Variants in TENM3 observed in about 807,000 individuals in gnomAD.
TENM3 encodes teneurin transmembrane protein 3.
In TENM3, 63 loss-of-function variants were observed where a neutral mutation model predicts 255.1. The observed-to-expected ratio is 0.25, with a 90% confidence interval of 0.20 to 0.30. The LOEUF is 0.30. TENM3 is among the 10% of genes least tolerant of loss of function. TENM3 has a pLI of 1.00. For synonymous variants in TENM3, 1,306 were observed against 1,322.3 expected (o/e 0.99, Z 0.27); for missense variants, 2,929 against 3,461.1 (o/e 0.85, Z 3.86).
the TENM3 span, among the ~76,000 whole-genome samples, chr4:181,987,950 G>T: frequency 2.0e-5 from 3 of 151,990 alleles, no homozygotes; most frequent in African/African-American, 7.2e-5. Context: ...GAGGAAAGAT[G>T]AAGGGGCAAG....
chr4:182,795,579 GTGA>G (rs1268897212), intron 26 of TENM3, among the ~76,000 whole-genome samples: 1 of 152,212 alleles, frequency 6.6e-6, no homozygotes, highest in African/African-American at 2.4e-5. Flanking sequence ...TGGCAATGAG[GTGA>G]GAGTCTGTGC....
At chr4:181,801,166 T>C in the TENM3 span, among the ~76,000 whole-genome samples, 3 of 152,222 alleles carry the variant, frequency 2.0e-5, no homozygotes, top group Admixed American at 2.0e-4. Context: ...TCTGGTCATG[T>C]GTATGTGTGT....
chr4:182,777,577 A>G (rs756797248), intron 24 of TENM3, among the ~76,000 whole-genome samples: 7 of 24,656 alleles, frequency 2.8e-4, no homozygotes, highest in Non-Finnish European at 3.7e-4. Flanking sequence ...TTTTTTTTTG[A>G]GATGGAGTTT....
At chr4:182,119,885 A>G in the TENM3 span, among the ~76,000 whole-genome samples, 1 of 152,052 alleles carries the variant, frequency 6.6e-6, no homozygotes, top group South Asian at 2.1e-4. Flanking sequence ...AATTTTTTGT[A>G]GAAACATGGT....
rs182736163 is a variant in TENM3 at position 182,473,458 on chromosome 4, A to G, written c.511+126529A>G. ...GGAGGCCAAGGCGGGTGGATCACGA[A>G]GTCAGGAGATCGAGACCATGCTGGC... On this transcript the variant is annotated intron_variant, in intron 3 of 27. Coordinates refer to ENST00000511685, the MANE Select transcript of TENM3 (RefSeq NM_001080477.4). Among the ~76,000 whole-genome samples, 358 of 152,222 alleles carry G rather than the reference A, an allele frequency of 2.4e-3. 3 individuals carry two copies. The highest frequency in any genetic ancestry group is 6.8e-3 in the Middle Eastern group (2 of 292).
At chr4:182,416,195 A>C (rs2151106955) in intron 3 of TENM3, among the ~76,000 whole-genome samples, 1 of 152,300 alleles carries the variant, frequency 6.6e-6, no homozygotes, top group Middle Eastern at 3.4e-3. Context: ...CCGCATATCC[A>C]TAATATGTTT....
At chr4:182,627,955 T>G (rs1750990464) in intron 4 of TENM3, among the ~76,000 whole-genome samples, 1 of 152,160 alleles carries the variant, frequency 6.6e-6, no homozygotes, top group African/African-American at 2.4e-5. Flanking sequence ...CCCCTTCATT[T>G]ATTTAGGTTT....
At chr4:181,781,058 T>C in the TENM3 span, among the ~76,000 whole-genome samples, 1 of 152,210 alleles carries the variant, frequency 6.6e-6, no homozygotes, top group Non-Finnish European at 1.5e-5. Context: ...GGTAGCATGA[T>C]GCCTCCAGCT....
At chr4:181,633,251 C>T in the TENM3 span, among the ~76,000 whole-genome samples, 3 of 152,124 alleles carry the variant, frequency 2.0e-5, no homozygotes, top group African/African-American at 7.2e-5. Flanking sequence ...TTTTAAAATT[C>T]AAAGGCAAAT....
the TENM3 span, among the ~76,000 whole-genome samples, chr4:181,936,752 C>T: frequency 6.6e-6 from 1 of 151,724 alleles, no homozygotes; most frequent in Non-Finnish European, 1.5e-5. Context: ...ATCTAGGGGA[C>T]AGGAAAGACC....
At chr4:181,566,164 G>C in the TENM3 span, among the ~76,000 whole-genome samples, 3 of 152,098 alleles carry the variant, frequency 2.0e-5, no homozygotes, top group African/African-American at 7.2e-5. Context: ...ATTAGAAAGA[G>C]CTGCTTCTTT....
At chr4:182,340,676 C>A (rs557441992) in intron 2 of TENM3, among the ~76,000 whole-genome samples, 2 of 152,278 alleles carry the variant, frequency 1.3e-5, no homozygotes, top group African/African-American at 2.4e-5. Flanking sequence ...ACATATACTT[C>A]TTTTGCTGTG....
At chr4:182,219,838 T>C (rs988141122) in intron 1 of TENM3, among the ~76,000 whole-genome samples, 1 of 152,244 alleles carries the variant, frequency 6.6e-6, no homozygotes, top group Non-Finnish European at 1.5e-5. Flanking sequence ...TGATGAAGTC[T>C]GCTTACTCTC....
the TENM3 span, among the ~76,000 whole-genome samples, chr4:181,522,292 A>G: frequency 2.0e-5 from 3 of 152,078 alleles, no homozygotes; most frequent in Non-Finnish European, 2.9e-5. Context: ...AGCTGAAGAC[A>G]TTTTGTGCTT....
At chr4:182,433,286 G>T (rs11132124) in intron 3 of TENM3, among the ~76,000 whole-genome samples, 1 of 151,892 alleles carries the variant, frequency 6.6e-6, no homozygotes, top group Non-Finnish European at 1.5e-5. Flanking sequence ...ATTCATGGAC[G>T]CAGGGAATGC....
At chr4:182,667,961 A>ACATT (rs1212207495) in intron 6 of TENM3, among the ~76,000 whole-genome samples, 5 of 134,110 alleles carry the variant, frequency 3.7e-5, no homozygotes, top group Non-Finnish European at 6.7e-5. Context: ...ATACATAAAT[A>ACATT]CATTAATTAA....
chr4:181,850,691 C>T, the TENM3 span, among the ~76,000 whole-genome samples: 1 of 151,732 alleles, frequency 6.6e-6, no homozygotes, highest in East Asian at 1.9e-4. Flanking sequence ...TTGTGATGTG[C>T]CAATGTGTTC....
the TENM3 span, among the ~76,000 whole-genome samples, chr4:181,507,631 T>C: frequency 2.0e-5 from 3 of 152,330 alleles, no homozygotes; most frequent in Admixed American, 2.0e-4. Flanking sequence ...ACGCATGCAT[T>C]TTTTATTGTT....
At chr4:182,580,686 A>T (rs17258305) in intron 3 of TENM3, among the ~76,000 whole-genome samples, 1 of 152,200 alleles carries the variant, frequency 6.6e-6, no homozygotes, top group South Asian at 2.1e-4. Context: ...GGCAGGTATC[A>T]TAGCCCCTTT....
Sources: gnomAD v4.1 joint callset for allele counts (sites outside exome capture counted in the v4.1 genomes callset) on GRCh38, gnomAD v4.1.1 for gene constraint, MANE v1.5 for transcripts, NCBI Gene and HGNC (gene_info 2026-07-23, HGNC 2026-07-21) for gene names.